ITGAX: variants seen among roughly 807,000 people sequenced by gnomAD.
ITGAX encodes integrin subunit alpha X.
A neutral mutation model predicts 140.2 loss-of-function variants in ITGAX; 99 were observed. The ratio of observed to expected loss-of-function variants is 0.71; its 90% CI spans 0.60 to 0.83. ITGAX has a LOEUF of 0.83. Among genes scored for constraint, ITGAX ranks in the 40% least tolerant of loss-of-function variants. The pLI, the probability that ITGAX is intolerant of heterozygous loss-of-function variation, is 0.00. For synonymous variants in ITGAX, 631 were observed against 600.4 expected, an observed-to-expected ratio of 1.05 and a Z score of -0.75; for missense variants, 1,444 against 1,482.0, an observed-to-expected ratio of 0.97 and a Z score of 0.42.
At position 31,355,302 on chromosome 16, in the gene ITGAX, A is replaced by T; in HGVS notation, c.37+11A>T. Reference sequence around the variant, plus strand: ...TCCTCCTGTTCACAGGTGAGCCTGGACCCCAATGAAGTAGGGCTGGGGACC... The same window carrying T: ...TCCTCCTGTTCACAGGTGAGCCTGGTCCCCAATGAAGTAGGGCTGGGGACC... On this transcript the variant is annotated intron_variant, in intron 1 of 29. Coordinates refer to ENST00000268296, the MANE Select transcript of ITGAX (RefSeq NM_000887.5). 1 of 1,613,530 alleles carries T rather than the reference A, an allele frequency of 6.2e-7. No individual in the cohort carries two copies. The highest frequency in any genetic ancestry group is 1.1e-5 in the South Asian group (1 of 91,054).
intron 20 of ITGAX, among the ~76,000 whole-genome samples, chr16:31,375,796 T>C (rs1033448383): frequency 6.6e-6 from 1 of 152,220 alleles, no homozygotes; most frequent in African/African-American, 2.4e-5. Flanking sequence ...GGAAAGGCCA[T>C]CTCTTGCATG....
Position 31,371,663 on chromosome 16 carries a change from C to A in ITGAX, c.2039C>A (p.Ala680Asp). The stretch of plus-strand genomic sequence containing the variant: ...CAAAGCTCTGTGACCTTGGACCTGG[C>A]CCTCGACCCTGGCCGCCTGAGTCCC... ...DLQSSVTLDL[A>D]LDPGRLSPRA... The change falls in exon 17 of 30, where the codon GCC becomes GAC. Residue 680 changes from alanine (A) to aspartate (D), a missense_variant. By Grantham distance (126) the Ala-to-Asp change is moderately radical. Transcript: ENST00000268296. 1 of 1,614,154 alleles carries A rather than the reference C, an allele frequency of 6.2e-7. No individual in the cohort carries two copies.
chr16:31,379,560 C>G lies in ITGAX; in HGVS notation c.2790-8C>G. On this transcript the variant is annotated splice_region_variant and splice_polypyrimidine_tract_variant and intron_variant, in intron 23 of 29. Transcript: ENST00000268296. Reference sequence around the variant, plus strand: ...GTTCACATCCACTTATGCGTCTTCTCTCTCCAGCCACGAACAATTCACCAA... The same window carrying G: ...GTTCACATCCACTTATGCGTCTTCTGTCTCCAGCCACGAACAATTCACCAA... The G allele has an allele frequency of 6.4e-7, 1 of 1,557,522 alleles. No homozygotes were observed. The highest frequency in any genetic ancestry group is 1.2e-5 in the South Asian group (1 of 84,472).
chr16:31,372,296 G>A (rs1027383018), intron 17 of ITGAX, 82 bp from the exon 18 acceptor site: 1 of 1,508,282 alleles, frequency 6.6e-7, no homozygotes, highest in African/African-American at 1.4e-5. Flanking sequence ...CTGGGCAGAG[G>A]CAGGATAAGA....
intron 2 of ITGAX, 118 bp downstream of exon 2, chr16:31,356,116 G>C (rs1422242380): frequency 1.4e-5 from 10 of 696,298 alleles, no homozygotes; most frequent in Admixed American, 2.9e-5. Flanking sequence ...TGTAGCGACT[G>C]CCCTGGCTAA....
intron 9 of ITGAX, 163 bp from the exon 10 acceptor site, chr16:31,361,673 G>T (rs1029108624): frequency 4.8e-6 from 4 of 827,316 alleles, no homozygotes; most frequent in Admixed American, 4.1e-5. Flanking sequence ...GCAGAGGGGG[G>T]CCCCGAAGTC....
At position 31,382,306 on chromosome 16, in the gene ITGAX, C is replaced by G. The variant is rs1300961181; in HGVS notation, c.*399C>G. 72 of 1,103,778 alleles carry G rather than the reference C, an allele frequency of 6.5e-5. No individual in the cohort carries two copies. The highest frequency in any genetic ancestry group is 8.5e-5 in the Non-Finnish European group (69 of 809,178). 68.4% of individuals were successfully genotyped at this position (1,103,778 alleles called of 1,614,324 possible). The stretch of plus-strand genomic sequence containing the variant: ...TGTCACCCAGGCTGGAGTGCAATGG[C>G]GTGATCTCGGCTCACTGCAACCTCC... On this transcript the variant is annotated 3_prime_UTR_variant, in exon 30 of 30. Coordinates refer to ENST00000268296, the MANE Select transcript of ITGAX (RefSeq NM_000887.5).
Position 31,359,977 on chromosome 16 carries a change from A to T in ITGAX, c.619A>T (p.Arg207Trp). 1 of 1,614,174 alleles carries T rather than the reference A, an allele frequency of 6.2e-7. No homozygotes were observed. The highest frequency in any genetic ancestry group is 8.5e-7 in the Non-Finnish European group (1 of 1,180,040). ...FQTHFTFEEF[R>W]RSSNPLSLLA... ...AACACACTTCACTTTCGAGGAATTCAGGCGCAGCTCAAACCCCCTCAGCCT... is the reference window on the plus strand; with the variant it reads ...AACACACTTCACTTTCGAGGAATTCTGGCGCAGCTCAAACCCCCTCAGCCT... The change falls in exon 7 of 30, where the codon AGG (arginine) becomes TGG (tryptophan). Residue 207 changes from arginine to tryptophan, a missense_variant. Physicochemically the swap from Arg to Trp is moderately radical, Grantham distance 101. Coordinates refer to ENST00000268296, the MANE Select transcript of ITGAX (RefSeq NM_000887.5).
Position 31,357,303 on chromosome 16 carries a change from C to T in ITGAX, c.369C>T (p.Thr123=), listed in dbSNP as rs558222544. Residue 123 remains threonine, a synonymous_variant, in exon 5 of 30, where the codon ACC becomes ACT. Transcript: ENST00000268296. ...AGTGCGGGAGGAACATGTACCTCAC[C>T]GGACTCTGCTTCCTCCTGGGCCCCA... ...HHECGRNMYL[T]GLCFLLGPTQ... 32 of 1,608,676 alleles carry T rather than the reference C, an allele frequency of 2.0e-5. No individual in the cohort carries two copies. Among genetic ancestry groups the T allele is most frequent in the Non-Finnish European group, 2.3e-5 (27 of 1,178,310 alleles).
chr16:31,374,448 C>A (rs1323169685), intron 20 of ITGAX, among the ~76,000 whole-genome samples: 1 of 151,834 alleles, frequency 6.6e-6, no homozygotes, highest in Non-Finnish European at 1.5e-5. Flanking sequence ...TTCTTTATTT[C>A]TTTATTTTTG....
At chr16:31,377,365 A>C in intron 23 of ITGAX, 100 bp downstream of exon 23, 1 of 955,076 alleles carries the variant, frequency 1.0e-6, no homozygotes, top group Non-Finnish European at 1.6e-6. Flanking sequence ...GGGTGAGATA[A>C]GGTGTTTGAA....
chr16:31,371,348 T>C lies in ITGAX; in HGVS notation c.1856T>C (p.Leu619Pro). 1 of 1,614,144 alleles carries C rather than the reference T, an allele frequency of 6.2e-7. No homozygotes were observed. Among genetic ancestry groups the C allele is most frequent in the Non-Finnish European group, 8.5e-7 (1 of 1,180,014 alleles). ...TCTGCCCGCAGGACCAGACCTGTGCTCTGGGTGGGGGTGAGCATGCAGTTC... is the reference window on the plus strand; with the variant it reads ...TCTGCCCGCAGGACCAGACCTGTGCCCTGGGTGGGGGTGAGCATGCAGTTC... ...QVLLLRTRPV[L>P]WVGVSMQFIP... Residue 619 changes from leucine to proline, a missense_variant, in exon 16 of 30, where the codon CTC becomes CCC. Transcript: ENST00000268296.
In ITGAX at chr16:31,362,089, G is replaced by A; in HGVS notation, c.1101G>A (p.Leu367=). Residue 367 remains leucine, a synonymous_variant, in exon 11 of 30, where the codon CTG becomes CTA. Transcript: ENST00000268296. ...SAVFTPDGPV[L]GAVGSFTWSG... The stretch of plus-strand genomic sequence containing the variant: ...TTTTCTCCCAGGATGGCCCCGTTCT[G>A]GGGGCTGTGGGGAGCTTCACCTGGT... 1 of 1,614,102 alleles carries A rather than the reference G, an allele frequency of 6.2e-7. No individual in the cohort carries two copies. The highest frequency in any genetic ancestry group is 1.7e-5 in the Admixed American group (1 of 60,026).
At chr16:31,378,408 T>G (rs909462132) in intron 23 of ITGAX, among the ~76,000 whole-genome samples, 1 of 151,904 alleles carries the variant, frequency 6.6e-6, no homozygotes, top group African/African-American at 2.4e-5. Flanking sequence ...CTCCGTTCAT[T>G]GTACCGACTA....
intron 14 of ITGAX, 93 bp from the exon 15 acceptor site, chr16:31,370,991 T>C: frequency 6.5e-7 from 1 of 1,533,690 alleles, no homozygotes; most frequent in South Asian, 1.1e-5. Context: ...TCTCTCCCTT[T>C]CCGATGGTCC....
At chr16:31,370,944 G>C in intron 14 of ITGAX, 140 bp from the exon 15 acceptor site, 3 of 1,022,088 alleles carry the variant, frequency 2.9e-6, no homozygotes, top group Non-Finnish European at 4.4e-6. Flanking sequence ...CCTCTTTTCA[G>C]GTTCTTCTTG....
At chr16:31,376,273 G>T (rs957639014) in intron 20 of ITGAX, among the ~76,000 whole-genome samples, 8 of 152,142 alleles carry the variant, frequency 5.3e-5, no homozygotes, top group African/African-American at 1.9e-4. Context: ...TAATACATTT[G>T]AGATTTCTAC....
At chr16:31,363,721 AG>A (rs1213134787) in intron 14 of ITGAX, among the ~76,000 whole-genome samples, 1 of 152,212 alleles carries the variant, frequency 6.6e-6, no homozygotes, top group African/African-American at 2.4e-5. Context: ...CTGGGATTAT[AG>A]GCGTGAGCCA....
chr16:31,371,011 A>G (rs547561852), intron 14 of ITGAX, 73 bp from the exon 15 acceptor site: 2 of 1,594,148 alleles, frequency 1.3e-6, no homozygotes, highest in Middle Eastern at 2.2e-4. Flanking sequence ...CTACCTCCAT[A>G]TTCCCCTTGT....
Sources: allele counts gnomAD v4.1 joint callset (sites outside exome capture counted in the v4.1 genomes callset), GRCh38; gene constraint gnomAD v4.1.1; transcripts MANE v1.5; gene names NCBI Gene and HGNC (gene_info 2026-07-23, HGNC 2026-07-21).